The following SGK1 variants were observed in gnomAD, a reference collection of about 807,000 sequenced individuals.
SGK1 encodes serum/glucocorticoid regulated kinase 1, also known as serine/threonine-protein kinase Sgk1.
Under a neutral mutation model 64.2 loss-of-function variants are expected in SGK1, and 26 were observed. That is an observed-to-expected ratio of 0.40 (90% CI 0.30 to 0.56). The LOEUF is 0.56. SGK1 is among the 20% of genes least tolerant of loss of function. SGK1 has a pLI of 0.38. For missense variants in SGK1, 519 were observed against 645.6 expected (o/e 0.80, Z 2.12); for synonymous variants, 265 against 239.7 (o/e 1.11, Z -0.98).
At chr6:134,294,645 C>G (rs1039363933) in intron 1 of SGK1, among the ~76,000 whole-genome samples, 6 of 152,166 alleles carry the variant, frequency 3.9e-5, no homozygotes, top group African/African-American at 1.4e-4. Flanking sequence ...AGTGATTCTC[C>G]TGGCTCAGCC....
Position 134,206,503 on chromosome 6 carries a change from C to T in SGK1, c.361+853G>A, listed in dbSNP as rs139186576. On this transcript the variant is annotated intron_variant, in intron 3 of 13. Transcript: ENST00000367858. ...AAAACCCAATCATCACACTTATAAA[C>T]GACAAAGGGATCTAGTATATACGTT... Among the ~76,000 whole-genome samples, 610 of 145,886 alleles carry T rather than the reference C, an allele frequency of 4.2e-3. 4 individuals are homozygous for T. The highest frequency in any genetic ancestry group is 0.015 in the African/African-American group (579 of 39,428).
chr6:134,177,810 T>G, intron 3 of SGK1: 1 of 1,613,262 alleles, frequency 6.2e-7, no homozygotes, highest in East Asian at 2.2e-5. Flanking sequence ...AAGCTGGAAC[T>G]CTGAGATGAC....
At chr6:134,230,500 G>A (rs1034473031) in intron 2 of SGK1, 1 of 152,290 alleles carries the variant, frequency 6.6e-6, no homozygotes, top group East Asian at 1.9e-4. Context: ...AAGAAGTGCC[G>A]AGAAAGGGGA....
chr6:134,206,886 A>AC (rs1349533605), intron 3 of SGK1, among the ~76,000 whole-genome samples: 1,747 of 98,464 alleles, frequency 0.018, 57 homozygotes, highest in African/African-American at 0.045. Context: ...AAAAAAAACA[A>AC]AAAAAAAATT....
At chr6:134,175,333 C>T (rs566399203) in intron 3 of SGK1, among the ~76,000 whole-genome samples, 1 of 152,152 alleles carries the variant, frequency 6.6e-6, no homozygotes, top group Non-Finnish European at 1.5e-5. Flanking sequence ...CGGACTCCCA[C>T]CCTCCTCCCC....
intron 1 of SGK1, among the ~76,000 whole-genome samples, chr6:134,274,176 T>C (rs1776984846): frequency 6.6e-6 from 1 of 152,122 alleles, no homozygotes; most frequent in Non-Finnish European, 1.5e-5. Context: ...GCTAATTTTT[T>C]GTATTTTTAG....
At chr6:134,296,776 CAA>C (rs869144600) in intron 1 of SGK1, among the ~76,000 whole-genome samples, 145 of 66,716 alleles carry the variant, frequency 2.2e-3, no homozygotes, top group African/African-American at 6.4e-3. Flanking sequence ...TATTTTGGAC[CAA>C]AAAAAAAAAA....
intron 2 of SGK1, among the ~76,000 whole-genome samples, chr6:134,248,899 T>A (rs1776565340): frequency 6.6e-6 from 1 of 152,160 alleles, no homozygotes; most frequent in Admixed American, 6.6e-5. Flanking sequence ...CAACTACTAT[T>A]CTCTGAAGCT....
At chr6:134,292,943 T>A (rs1777289070) in intron 1 of SGK1, among the ~76,000 whole-genome samples, 1 of 152,236 alleles carries the variant, frequency 6.6e-6, no homozygotes, top group South Asian at 2.1e-4. Flanking sequence ...GGAAATTAAA[T>A]GACAGCACCA....
intron 3 of SGK1, among the ~76,000 whole-genome samples, chr6:134,206,945 G>T (rs192107115): frequency 1.1e-4 from 17 of 150,436 alleles, no homozygotes; most frequent in African/African-American, 4.1e-4. Context: ...AATAAACAAG[G>T]CCGGGCGCGG....
chr6:134,263,048 A>G (rs1054388551), intron 1 of SGK1, among the ~76,000 whole-genome samples: 1 of 152,098 alleles, frequency 6.6e-6, no homozygotes, highest in Non-Finnish European at 1.5e-5. Context: ...ACAATGTTCA[A>G]GTACTTTGCC....
chr6:134,263,415 T>A (rs956108212), intron 1 of SGK1, among the ~76,000 whole-genome samples: 2 of 151,568 alleles, frequency 1.3e-5, no homozygotes, highest in African/African-American at 4.9e-5. Flanking sequence ...TTTTTTTTTT[T>A]TGTAGAGATG....
chr6:134,286,478 ATTT>A (rs1267281237), intron 1 of SGK1, among the ~76,000 whole-genome samples: 144 of 128,454 alleles, frequency 1.1e-3, no homozygotes, highest in African/African-American at 3.2e-3. Context: ...AAAATACAAT[ATTT>A]TTTTTTTTTT....
At chr6:134,253,185 A>G (rs1288660858) in intron 2 of SGK1, among the ~76,000 whole-genome samples, 2 of 152,346 alleles carry the variant, frequency 1.3e-5, no homozygotes, top group Non-Finnish European at 2.9e-5. Context: ...TGAACAAGAG[A>G]CATGGGTCAG....
intron 2 of SGK1, among the ~76,000 whole-genome samples, chr6:134,232,851 CAAA>C (rs1173880594): frequency 9.7e-6 from 1 of 103,324 alleles, no homozygotes; most frequent in Non-Finnish European, 2.1e-5. Flanking sequence ...GACTCCACCT[CAAA>C]AAAAAAAAAA....
chr6:134,267,152 G>C (rs1004838983), intron 1 of SGK1, among the ~76,000 whole-genome samples: 1 of 151,876 alleles, frequency 6.6e-6, no homozygotes, highest in African/African-American at 2.4e-5. Context: ...TAGAGCTTGA[G>C]TTATGGCCAA....
At chr6:134,298,545 C>G (rs1224592614) in intron 1 of SGK1, 5 of 816,700 alleles carry the variant, frequency 6.1e-6, no homozygotes, top group Non-Finnish European at 1.1e-5. Flanking sequence ...ATAGCCTCCA[C>G]CCAGGCTACC....
chr6:134,248,950 C>G (rs984730780), intron 2 of SGK1, among the ~76,000 whole-genome samples: 15 of 152,110 alleles, frequency 9.9e-5, no homozygotes, highest in Non-Finnish European at 7.4e-5. Flanking sequence ...TTTTCCTCCA[C>G]AAGAACAAAC....
chr6:134,184,092 C>T (rs1158392015), intron 3 of SGK1, among the ~76,000 whole-genome samples: 2 of 152,022 alleles, frequency 1.3e-5, no homozygotes, highest in African/African-American at 4.8e-5. Flanking sequence ...CCTTTGCAGG[C>T]CAAGCTAGTG....
Sources: allele counts gnomAD v4.1 joint callset (sites outside exome capture counted in the v4.1 genomes callset), GRCh38; gene constraint gnomAD v4.1.1; transcripts MANE v1.5; gene names NCBI Gene and HGNC (gene_info 2026-07-23, HGNC 2026-07-21).